RDH8: variants seen among roughly 807,000 people sequenced by gnomAD.
RDH8 encodes the protein photoreceptor outer segment all-trans retinol dehydrogenase.
In RDH8, 14 loss-of-function variants were observed where a neutral mutation model predicts 22.3. The ratio of observed to expected loss-of-function variants is 0.63; its 90% CI spans 0.42 to 0.98. The LOEUF (loss-of-function observed/expected upper bound fraction) is 0.98. RDH8 is among the 50% of genes least tolerant of loss of function. The pLI is 0.00. For synonymous variants in RDH8, 175 were observed against 171.7 expected (o/e 1.02, Z -0.15); for missense variants, 389 against 409.8 (o/e 0.95, Z 0.44).
chr19:10,018,750 C>T lies in RDH8; in HGVS notation c.282C>T (p.Gly94=). The part of the protein sequence containing the change: ...VDVLVNNAGM[G]LVGPLEGLSL... ...TCTTAGTGAATAATGCTGGAATGGG[C>T]CTGGTGGGGCCCCTGGAGGGGCTCA... is the stretch of plus-strand genomic sequence containing the variant. The change falls in exon 3 of 6, where the codon GGC becomes GGT. Residue 94 remains glycine (G), a synonymous_variant. Coordinates refer to ENST00000591589, the MANE Select transcript of RDH8 (RefSeq NM_015725.4). 6.2e-7 allele frequency: 1 copy of T among 1,609,976 alleles called. No individual in the cohort carries two copies. Among genetic ancestry groups the T allele is most frequent in the South Asian group, 1.1e-5 (1 of 90,532 alleles).
At chr19:10,018,934 G>A in intron 3 of RDH8, 24 bp downstream of exon 3, 1 of 1,572,090 alleles carries the variant, frequency 6.4e-7, no homozygotes, top group Non-Finnish European at 8.7e-7. Flanking sequence ...ACCCAACCCT[G>A]GAAATCCCAC....
rs1599245319 is a variant in RDH8 at position 10,022,078 on chromosome 19, A to C, written c.*329A>C. The C allele has an allele frequency of 3.2e-6, 1 of 308,124 alleles. No individual in the cohort carries two copies. The highest frequency in any genetic ancestry group is 2.2e-5 in the African/African-American group (1 of 46,366). 19.1% of individuals were successfully genotyped at this position (308,124 alleles called of 1,614,324 possible). ...CTTGAAGGAAGAGACAGACTCTGCT[A>C]CATTCAACCTCGTGACTTCATGATC... On this transcript the variant is annotated 3_prime_UTR_variant, in exon 6 of 6. Transcript: ENST00000591589.
At chr19:10,019,694 G>A (rs1292078052) in intron 3 of RDH8, among the ~76,000 whole-genome samples, 2 of 151,376 alleles carry the variant, frequency 1.3e-5, no homozygotes, top group Admixed American at 6.6e-5. Context: ...CCAGCTACTC[G>A]GGGTGCTGAA....
At chr19:10,013,945 G>A (rs2087589267) in intron 1 of RDH8, among the ~76,000 whole-genome samples, 1 of 152,054 alleles carries the variant, frequency 6.6e-6, no homozygotes, top group South Asian at 2.1e-4. Flanking sequence ...AGAGTGGCAG[G>A]GGGTGGGTGG....
chr19:10,017,110 G>A lies in RDH8; in HGVS notation c.157G>A (p.Gly53Arg), dbSNP rs911598402. 6.2e-7 allele frequency: 1 copy of A among 1,606,598 alleles called. No homozygotes were observed. Among genetic ancestry groups the A allele is most frequent in the Non-Finnish European group, 8.5e-7 (1 of 1,175,102 alleles). The change falls in exon 2 of 6, where the codon GGG becomes AGG. Residue 53 changes from glycine to arginine, a missense_variant. Coordinates refer to ENST00000591589, the MANE Select transcript of RDH8 (RefSeq NM_015725.4). ...GAAGGAGACACTGGAGGCAGCTGCT[G>A]GGGAGGCTCTGGGGCAGACCCTCAC... ...GKKETLEAAA[G>R]EALGQTLTVA...
chr19:10,018,979 G>T, intron 3 of RDH8, 69 bp downstream of exon 3: 1 of 1,340,980 alleles, frequency 7.5e-7, no homozygotes. Flanking sequence ...GGAGGATGGC[G>T]AATGGGTTTT....
In RDH8 at chr19:10,018,768, G is replaced by A. The variant is rs752893898; in HGVS notation, c.300G>A (p.Glu100=). Residue 100 remains glutamate (E), a synonymous_variant, in exon 3 of 6, where the codon GAG becomes GAA. Transcript: ENST00000591589. ...NAGMGLVGPL[E]GLSLAAMQNV... is the part of the protein sequence containing the mutation. ...GAATGGGCCTGGTGGGGCCCCTGGA[G>A]GGGCTCAGCCTTGCTGCCATGCAGA... 64 of 1,612,792 alleles carry A rather than the reference G, an allele frequency of 4.0e-5. No homozygotes were observed. Among genetic ancestry groups the A allele is most frequent in the Admixed American group, 1.7e-5 (1 of 59,888 alleles).
intron 1 of RDH8, among the ~76,000 whole-genome samples, chr19:10,014,827 G>A (rs1673131): frequency 0.16 from 24,562 of 152,080 alleles, 2,368 homozygotes; most frequent in East Asian, 0.36. Flanking sequence ...ATGAGCCACC[G>A]TGCCTGGCCT....
chr19:10,013,909 G>A (rs1421900421), intron 1 of RDH8, among the ~76,000 whole-genome samples: 1 of 152,022 alleles, frequency 6.6e-6, no homozygotes, highest in Non-Finnish European at 1.5e-5. Context: ...GGGAATAAGT[G>A]CTGAGACACA....
At position 10,017,136 on chromosome 19, in the gene RDH8, C is replaced by A. The variant is rs767414239; in HGVS notation, c.183C>A (p.Thr61=). 8 of 1,611,342 alleles carry A rather than the reference C, an allele frequency of 5.0e-6. 1 individual carries two copies. The South Asian group carries it at 8.8e-5, about 18-fold the overall frequency. The change falls in exon 2 of 6, where the codon ACC becomes ACA. Residue 61 remains threonine (T), a synonymous_variant. Transcript: ENST00000591589. ...AAGEALGQTL[T]VAQLDVCSDE... ...GGGAGGCTCTGGGGCAGACCCTCAC[C>A]GTGGCCCAGCTGGACGTGTGCAGTG... is the stretch of plus-strand genomic sequence containing the variant.
At chr19:10,016,412 C>T (rs1447640287) in intron 1 of RDH8, among the ~76,000 whole-genome samples, 1 of 151,656 alleles carries the variant, frequency 6.6e-6, no homozygotes, top group Admixed American at 6.6e-5. Flanking sequence ...ACCTCGGCCT[C>T]CCAAAGTGCT....
At chr19:10,021,039 G>A (rs2087654358) in intron 4 of RDH8, 1 of 627,232 alleles carries the variant, frequency 1.6e-6, no homozygotes, top group Admixed American at 2.9e-5. Context: ...CAAGGGTGGT[G>A]GTGTGTGTAC....
rs563583287 is a variant in RDH8 at position 10,016,779 on chromosome 19, C to T, written c.104-278C>T. 1.2e-4 allele frequency among the ~76,000 whole-genome samples: 18 copies of T among 152,242 alleles called. No individual in the cohort carries two copies. The East Asian group carries it at 3.3e-3, about 28-fold the overall frequency. ...GAGCCACCACACCTGGTGACTTTAT[C>T]TTATTTCATGCCATAGCCTCAGCAC... On this transcript the variant is annotated intron_variant, in intron 1 of 5. Transcript: ENST00000591589.
At chr19:10,015,057 G>T (rs376628555) in intron 1 of RDH8, among the ~76,000 whole-genome samples, 2 of 152,220 alleles carry the variant, frequency 1.3e-5, no homozygotes, top group African/African-American at 4.8e-5. Context: ...ATGCCCCCAG[G>T]AGTGTTCATG....
intron 1 of RDH8, 61 bp downstream of exon 1, chr19:10,013,661 C>T (rs1568440098): frequency 6.4e-7 from 1 of 1,561,876 alleles, no homozygotes. Flanking sequence ...CCAGCACTGT[C>T]TCCCCTACCC....
At position 10,021,660 on chromosome 19, in the gene RDH8, C is replaced by A. The variant is rs148507060; in HGVS notation, c.847C>A (p.Arg283Ser). The A allele has an allele frequency of 6.2e-7, 1 of 1,614,142 alleles. No homozygotes were observed. The highest frequency in any genetic ancestry group is 8.5e-7 in the Non-Finnish European group (1 of 1,180,016). ...SGSLYVRTTH[R>S]LLFRCPRLLN... Reference sequence around the variant, plus strand: ...CAGCCTGTATGTGCGAACGACCCACCGCCTCCTCTTCCGCTGTCCACGCCT... The same window carrying A: ...CAGCCTGTATGTGCGAACGACCCACAGCCTCCTCTTCCGCTGTCCACGCCT... Residue 283 changes from arginine (R) to serine (S), a missense_variant, in exon 6 of 6, where the codon CGC (arginine) becomes AGC (serine). Coordinates refer to ENST00000591589, the MANE Select transcript of RDH8 (RefSeq NM_015725.4).
intron 3 of RDH8, among the ~76,000 whole-genome samples, chr19:10,020,227 A>C (rs2145168670): frequency 6.6e-6 from 1 of 152,100 alleles, no homozygotes; most frequent in South Asian, 2.1e-4. Flanking sequence ...GCTTAAGCTC[A>C]GGAGTTCAAG....
intron 2 of RDH8, among the ~76,000 whole-genome samples, chr19:10,017,954 A>AT (rs759358657): frequency 3.3e-5 from 5 of 151,270 alleles, no homozygotes; most frequent in Admixed American, 6.6e-5. Context: ...CCAAAAATCA[A>AT]TTTTTTTTGA....
intron 4 of RDH8, 79 bp from the exon 5 acceptor site, chr19:10,021,175 TA>T (rs374839771): frequency 0.15 from 148,403 of 1,015,550 alleles, 13 homozygotes; most frequent in Non-Finnish European, 0.16. Context: ...CCCTGTATCT[TA>T]AAAAAAAAAA....
Sources: allele counts gnomAD v4.1 joint callset (sites outside exome capture counted in the v4.1 genomes callset), GRCh38; gene constraint gnomAD v4.1.1; transcripts MANE v1.5; gene names NCBI Gene and HGNC (gene_info 2026-07-23, HGNC 2026-07-21).